Variants in ENTPD1 observed in about 807,000 individuals in gnomAD.
The protein encoded by ENTPD1 is ectonucleoside triphosphate diphosphohydrolase 1, also known as ATP diphosphohydrolase.
A neutral mutation model predicts 57.0 loss-of-function variants in ENTPD1; 33 were observed. The ratio of observed to expected loss-of-function variants is 0.58; its 90% CI spans 0.44 to 0.77. ENTPD1 has a LOEUF of 0.77. ENTPD1 is among the 30% of genes least tolerant of loss of function. The probability of loss-of-function intolerance (pLI) is 0.00; values close to 1 mark genes in which losing one functional copy is unlikely to be tolerated. For missense variants in ENTPD1, 501 were observed against 603.4 expected (o/e 0.83, Z 1.78); for synonymous variants, 202 against 218.8 (o/e 0.92, Z 0.68).
In ENTPD1 at chr10:95,832,464, T is replaced by C. The variant is rs191439254; in HGVS notation, c.145-7227T>C. Among the ~76,000 whole-genome samples the C allele has an allele frequency of 2.0e-5, 3 of 152,322 alleles. No individual in the cohort carries two copies. The East Asian group carries it at 5.8e-4, about 29-fold the overall frequency. ...ACTCCCCCTGGGAAAGTACCTTTGT[T>C]CTGGTGGACCTAGGTGGGGCGGTAG... On this transcript the variant is annotated intron_variant, in intron 2 of 9. Coordinates refer to ENST00000371205, the MANE Select transcript of ENTPD1 (RefSeq NM_001776.6).
intron 1 of ENTPD1, among the ~76,000 whole-genome samples, chr10:95,809,030 G>A (rs1044295667): frequency 1.2e-4 from 18 of 152,204 alleles, no homozygotes; most frequent in African/African-American, 3.9e-4. Flanking sequence ...CAGAGAGCAC[G>A]GGGTTGGGGG....
chr10:95,739,170 A>C (rs1422346713), intron 1 of ENTPD1, among the ~76,000 whole-genome samples: 1 of 152,194 alleles, frequency 6.6e-6, no homozygotes, highest in East Asian at 1.9e-4. Flanking sequence ...GGAGGATTTT[A>C]CCTCTATGTT....
chr10:95,705,785 C>T, the ENTPD1 span, among the ~76,000 whole-genome samples: 2 of 152,202 alleles, frequency 1.3e-5, no homozygotes, highest in African/African-American at 4.8e-5. Flanking sequence ...AGCCACTGCG[C>T]CAGGCCAACT....
chr10:95,773,111 C>T (rs144615880), intron 1 of ENTPD1, among the ~76,000 whole-genome samples: 2 of 151,788 alleles, frequency 1.3e-5, no homozygotes, highest in East Asian at 3.9e-4. Flanking sequence ...TTTTAACAAC[C>T]GCTCTCATGG....
upstream of ENTPD1, chr10:95,753,223 A>AT (rs1341476247): frequency 6.6e-6 from 1 of 152,146 alleles, no homozygotes; most frequent in Non-Finnish European, 1.5e-5. Flanking sequence ...AAGACGATTT[A>AT]TTTTTTAAGA....
At chr10:95,743,699 T>C (rs1045798883) in intron 1 of ENTPD1, among the ~76,000 whole-genome samples, 1 of 152,154 alleles carries the variant, frequency 6.6e-6, no homozygotes, top group African/African-American at 2.4e-5. Flanking sequence ...CAAATTATTC[T>C]AATTTTGGCT....
In ENTPD1 at chr10:95,873,037, T is replaced by C; in HGVS notation, c.*6654T>C. ...AATGTACATACAAATTACCCAGGGA[T>C]TTTGTTGAAATAAAAATTATTTAAT... is the stretch of plus-strand genomic sequence containing the variant. On this transcript the variant is annotated 3_prime_UTR_variant, in exon 10 of 10. Transcript: ENST00000371205. 1 of 961,864 alleles carries C rather than the reference T, an allele frequency of 1.0e-6. No homozygotes were observed. Among genetic ancestry groups the C allele is most frequent in the Non-Finnish European group, 1.2e-6 (1 of 808,566 alleles). The allele number at this position is 961,864 out of a possible 1,614,324, so 59.6% of individuals were successfully genotyped here. A position where few individuals can be genotyped will look rare whatever the true frequency, so the allele number is the denominator to read the frequency against.
intron 7 of ENTPD1, among the ~76,000 whole-genome samples, chr10:95,856,476 A>C (rs559712120): frequency 1.5e-4 from 23 of 152,166 alleles, no homozygotes; most frequent in Non-Finnish European, 3.1e-4. Context: ...TGTTTGATCC[A>C]GCAATCCCAC....
At chr10:95,700,247 A>T in the ENTPD1 span, among the ~76,000 whole-genome samples, 1 of 152,174 alleles carries the variant, frequency 6.6e-6, no homozygotes, top group Non-Finnish European at 1.5e-5. Flanking sequence ...TGGAAGATAA[A>T]TATAAGGACA....
intron 5 of ENTPD1, among the ~76,000 whole-genome samples, chr10:95,845,153 C>CT (rs2098432069): frequency 6.6e-6 from 1 of 152,200 alleles, no homozygotes; most frequent in South Asian, 2.1e-4. Flanking sequence ...AGTTACACTG[C>CT]TTCTATGTCC....
intron 2 of ENTPD1, among the ~76,000 whole-genome samples, chr10:95,830,094 C>G (rs2098391698): frequency 6.6e-6 from 1 of 152,110 alleles, no homozygotes. Context: ...GTAAGAAATA[C>G]ATTTATTTTT....
intron 1 of ENTPD1, among the ~76,000 whole-genome samples, chr10:95,797,925 A>C (rs539049980): frequency 1.3e-5 from 2 of 152,344 alleles, no homozygotes; most frequent in Non-Finnish European, 2.9e-5. Context: ...AGTTATCCTC[A>C]TAGAGATTAA....
intron 1 of ENTPD1, among the ~76,000 whole-genome samples, chr10:95,758,002 CAAAAAAAAAAA>C (rs57407553): frequency 0.067 from 1,775 of 26,394 alleles, 81 homozygotes; most frequent in African/African-American, 0.16. Context: ...GACACTGTCT[CAAAAAAAAAAA>C]AAAAAAAAAA....
the ENTPD1 span, among the ~76,000 whole-genome samples, chr10:95,695,208 T>G: frequency 1.3e-5 from 2 of 152,134 alleles, no homozygotes; most frequent in Non-Finnish European, 2.9e-5. Context: ...CTGGCCTGAA[T>G]TTTTAATTTT....
chr10:95,864,567 G>A (rs1480342498), intron 8 of ENTPD1, among the ~76,000 whole-genome samples, 157 bp from the exon 9 acceptor site: 1 of 152,168 alleles, frequency 6.6e-6, no homozygotes, highest in Non-Finnish European at 1.5e-5. Flanking sequence ...CACTGAAGGA[G>A]TGCAGCACCA....
intron 1 of ENTPD1, among the ~76,000 whole-genome samples, chr10:95,800,024 T>C (rs766943949): frequency 1.2e-4 from 19 of 152,216 alleles, no homozygotes; most frequent in Non-Finnish European, 2.8e-4. Context: ...ATGTCAGATA[T>C]TAGATCTTTG....
At chr10:95,802,052 G>A (rs771737777) in intron 1 of ENTPD1, among the ~76,000 whole-genome samples, 14 of 152,094 alleles carry the variant, frequency 9.2e-5, no homozygotes, top group African/African-American at 1.7e-4. Context: ...GTCAGCCCTC[G>A]GGAGGTCCTG....
At chr10:95,750,713 G>T (rs2098010798), upstream of ENTPD1, among the ~76,000 whole-genome samples, 2 of 152,208 alleles carry the variant, frequency 1.3e-5, no homozygotes, top group Non-Finnish European at 2.9e-5. Context: ...ATTCTGAGCA[G>T]GGTAATAGCT....
intron 1 of ENTPD1, among the ~76,000 whole-genome samples, chr10:95,782,332 T>C (rs548595211): frequency 2.0e-5 from 3 of 152,334 alleles, no homozygotes; most frequent in Admixed American, 1.3e-4. Context: ...AAAATCACTT[T>C]ATGGGTAGTA....
Sources: allele counts gnomAD v4.1 joint callset (sites outside exome capture counted in the v4.1 genomes callset), GRCh38; gene constraint gnomAD v4.1.1; transcripts MANE v1.5; gene names NCBI Gene and HGNC (gene_info 2026-07-23, HGNC 2026-07-21).